The following ERICH6 variants were observed in gnomAD, a reference collection of about 807,000 sequenced individuals.
ERICH6 encodes the protein glutamate-rich protein 6.
A neutral mutation model predicts 71.0 loss-of-function variants in ERICH6; 71 were observed. The ratio of observed to expected loss-of-function variants is 1.00; its 90% CI spans 0.83 to 1.22. ERICH6 has a LOEUF of 1.22. Among genes scored for constraint, ERICH6 ranks in the 50% most tolerant of loss-of-function variants. The pLI is 0.00. For synonymous variants in ERICH6, 262 were observed against 278.4 expected (o/e 0.94, Z 0.59); for missense variants, 808 against 797.2 (o/e 1.01, Z -0.16).
intron 11 of ERICH6, among the ~76,000 whole-genome samples, chr3:150,672,459 G>T (rs142665729): frequency 0.021 from 3,165 of 151,390 alleles, 124 homozygotes; most frequent in African/African-American, 0.071. Context: ...TTAGCTGGGC[G>T]TGGTGGCATG....
In ERICH6 at chr3:150,686,093, G is replaced by T. The variant is rs1712174716; in HGVS notation, c.611-72C>A. 4 of 1,324,274 alleles carry T rather than the reference G, an allele frequency of 3.0e-6. No individual in the cohort carries two copies. In the Admixed American group the frequency reaches 6.8e-5, roughly 22 times the overall value. 82.0% of individuals were successfully genotyped at this position (1,324,274 alleles called of 1,614,324 possible). On this transcript the variant is annotated intron_variant, in intron 4 of 13. Transcript: ENST00000295910. Reference sequence around the variant, plus strand: ...CAGTGCATTCCACTTCTGTAATTTGGAGATTCACACCCACCATCATCCTCC... The same window carrying T: ...CAGTGCATTCCACTTCTGTAATTTGTAGATTCACACCCACCATCATCCTCC...
At chr3:150,664,197 A>C (rs571673474) in intron 13 of ERICH6, among the ~76,000 whole-genome samples, 23 of 152,258 alleles carry the variant, frequency 1.5e-4, no homozygotes, top group African/African-American at 5.1e-4. Context: ...GAAGTCATTA[A>C]ATTTCATATA....
At chr3:150,684,899 G>A (rs1712114971) in intron 6 of ERICH6, among the ~76,000 whole-genome samples, 1 of 151,934 alleles carries the variant, frequency 6.6e-6, no homozygotes, top group African/African-American at 2.4e-5. Context: ...CCAGCTACTT[G>A]GGAGACAGAG....
At chr3:150,673,529 A>G (rs1225225075) in intron 11 of ERICH6, among the ~76,000 whole-genome samples, 1 of 151,794 alleles carries the variant, frequency 6.6e-6, no homozygotes, top group Non-Finnish European at 1.5e-5. Flanking sequence ...ATGTCTTTTT[A>G]GTTAAAATTT....
At chr3:150,699,647 C>A (rs1395697468) in intron 2 of ERICH6, among the ~76,000 whole-genome samples, 2 of 150,522 alleles carry the variant, frequency 1.3e-5, no homozygotes, top group African/African-American at 2.5e-5. Context: ...GAACAATTGA[C>A]TTTGAAAGGA....
intron 12 of ERICH6, among the ~76,000 whole-genome samples, chr3:150,668,690 A>G (rs1399934817): frequency 6.6e-6 from 1 of 152,216 alleles, no homozygotes; most frequent in South Asian, 2.1e-4. Context: ...CTCTTTCTGA[A>G]AAGTTCAAAA....
At chr3:150,689,499 T>A (rs1161857659) in intron 3 of ERICH6, among the ~76,000 whole-genome samples, 1 of 152,228 alleles carries the variant, frequency 6.6e-6, no homozygotes, top group African/African-American at 2.4e-5. Flanking sequence ...AGCTGAAATA[T>A]GCTAATGAGA....
chr3:150,666,541 G>A (rs1438430997), intron 13 of ERICH6, among the ~76,000 whole-genome samples: 1 of 152,156 alleles, frequency 6.6e-6, no homozygotes, highest in Non-Finnish European at 1.5e-5. Flanking sequence ...CTCTGGCACA[G>A]AGCAAACACT....
chr3:150,669,129 A>G (rs988327933), intron 12 of ERICH6, among the ~76,000 whole-genome samples, 167 bp downstream of exon 12: 1 of 152,240 alleles, frequency 6.6e-6, no homozygotes, highest in Non-Finnish European at 1.5e-5. Context: ...ACTGAAAAGC[A>G]TACGGAATGG....
intron 12 of ERICH6, among the ~76,000 whole-genome samples, chr3:150,667,893 C>G (rs990370844): frequency 1.2e-4 from 18 of 152,190 alleles, no homozygotes; most frequent in African/African-American, 3.9e-4. Context: ...CTGTATATAA[C>G]TTAAAGGAAA....
At chr3:150,678,301 A>G in intron 10 of ERICH6, 108 bp downstream of exon 10, 1 of 1,057,764 alleles carries the variant, frequency 9.5e-7, no homozygotes, top group Non-Finnish European at 1.3e-6. Flanking sequence ...ATTCTTTTTG[A>G]CAACTAGTTA....
intron 1 of ERICH6, 48 bp downstream of exon 1, chr3:150,703,448 C>G: frequency 1.3e-6 from 2 of 1,510,172 alleles, no homozygotes; most frequent in Non-Finnish European, 1.8e-6. Context: ...ACCAGGTGCC[C>G]CCTGGAGACG....
chr3:150,702,167 T>C lies in ERICH6; in HGVS notation c.415A>G (p.Ile139Val), dbSNP rs1712899681. ...ATGTCTTTCCTAAATGTCTGAAATATTTTAGGGAAACCTGTTGAATGAAAC... is the reference window on the plus strand; with the variant it reads ...ATGTCTTTCCTAAATGTCTGAAATACTTTAGGGAAACCTGTTGAATGAAAC... Reference protein sequence around the residue: ...STSSHKSFPKIFQTFRKDMSE... With the variant: ...STSSHKSFPKVFQTFRKDMSE... The change falls in exon 2 of 14, where the codon ATA (isoleucine) becomes GTA (valine). Residue 139 changes from isoleucine (I) to valine (V), a missense_variant. Physicochemically the swap from Ile to Val is conservative, Grantham distance 29. Transcript: ENST00000295910. 2 of 1,582,456 alleles carry C rather than the reference T, an allele frequency of 1.3e-6. No individual in the cohort carries two copies. Among genetic ancestry groups the C allele is most frequent in the Middle Eastern group, 1.8e-4 (1 of 5,664 alleles).
chr3:150,660,149 T>A lies in ERICH6; in HGVS notation c.1735A>T (p.Asn579Tyr). 1 of 1,610,052 alleles carries A rather than the reference T, an allele frequency of 6.2e-7. No homozygotes were observed. The highest frequency in any genetic ancestry group is 8.5e-7 in the Non-Finnish European group (1 of 1,177,422). The stretch of plus-strand genomic sequence containing the variant: ...CGGAGGATTGGAATCTCCTCAGGGT[T>A]TGGTAGCTTTTCAGCAAAGAGAAAG... ...ISVGTKVKLP[N>Y]PEEIPILRYV... The change falls in exon 14 of 14, where the codon AAC becomes TAC. Residue 579 changes from asparagine (N) to tyrosine (Y), a missense_variant. Transcript: ENST00000295910.
In ERICH6 at chr3:150,666,882, A is replaced by G. The variant is rs1254302345; in HGVS notation, c.1633T>C (p.Tyr545His). 11 of 1,614,096 alleles carry G rather than the reference A, an allele frequency of 6.8e-6. No individual in the cohort carries two copies. The highest frequency in any genetic ancestry group is 8.5e-6 in the Non-Finnish European group (10 of 1,180,050). ...TGTTCTAAGATGCGGACTCCAATAT[A>G]ACGGTTCAAAGCCAGAAAGACAGGT... is the stretch of plus-strand genomic sequence containing the variant. ...FKPVFLALNRYIGVRILEQDK... is the reference protein window; with the variant it reads ...FKPVFLALNRHIGVRILEQDK... The change falls in exon 13 of 14, where the codon TAT (tyrosine) becomes CAT (histidine). Residue 545 changes from tyrosine to histidine, a missense_variant. Transcript: ENST00000295910.
chr3:150,661,319 T>C (rs1727215639), intron 13 of ERICH6, among the ~76,000 whole-genome samples: 1 of 152,232 alleles, frequency 6.6e-6, no homozygotes, highest in Non-Finnish European at 1.5e-5. Context: ...CTTTTCCTTT[T>C]TGTGTTGAGC....
intron 2 of ERICH6, among the ~76,000 whole-genome samples, chr3:150,700,491 A>C (rs901935157): frequency 6.6e-6 from 1 of 152,014 alleles, no homozygotes; most frequent in East Asian, 1.9e-4. Flanking sequence ...GAAAGAAGAC[A>C]ATATGGGAAC....
chr3:150,689,660 C>CT (rs1201203829), intron 3 of ERICH6, among the ~76,000 whole-genome samples: 1 of 151,980 alleles, frequency 6.6e-6, no homozygotes, highest in South Asian at 2.1e-4. Flanking sequence ...AATCTTGTCC[C>CT]TTTTTTTGAG....
Position 150,703,802 on chromosome 3 carries a change from C to G in ERICH6, c.97G>C (p.Glu33Gln). 2 of 1,612,522 alleles carry G rather than the reference C, an allele frequency of 1.2e-6. No individual in the cohort carries two copies. Among genetic ancestry groups the G allele is most frequent in the Non-Finnish European group, 1.7e-6 (2 of 1,179,280 alleles). Residue 33 changes from glutamate to glutamine, a missense_variant, in exon 1 of 14, where the codon GAG (glutamate) becomes CAG (glutamine). Glu to Gln is a conservative substitution (Grantham distance 29). Around this residue, in one of 3 missense-constraint regions of ERICH6, gnomAD observed 53 missense variants for 40.6 expected, o/e 1.30. Transcript: ENST00000295910. ...ACCTCTTCCTCCTCCTCCTCCACCTCTTCCTCCTCCTCCTCCTCCTCTAAC... is the reference window on the plus strand; with the variant it reads ...ACCTCTTCCTCCTCCTCCTCCACCTGTTCCTCCTCCTCCTCCTCCTCTAAC... Reference protein sequence around the residue: ...EELEEEEEEEEVEEEEEEVEE... With the variant: ...EELEEEEEEEQVEEEEEEVEE...
Sources: gnomAD v4.1 joint callset for allele counts (sites outside exome capture counted in the v4.1 genomes callset) on GRCh38, gnomAD v4.1.1 for gene constraint, gnomAD v4.1.1 regional missense constraint, MANE v1.5 for transcripts, NCBI Gene and HGNC (gene_info 2026-07-23, HGNC 2026-07-21) for gene names.